Variants in ZNF469 observed in about 807,000 individuals in gnomAD.
ZNF469 encodes zinc finger protein 469.
In ZNF469, 1 loss-of-function variant was observed where a neutral mutation model predicts 1.0. That is an observed-to-expected ratio of 1.00 (90% CI 0.35 to 4.73). The LOEUF is 4.73. ZNF469 is among the 30% of genes most tolerant of loss of function. The probability of loss-of-function intolerance (pLI) is 0.16; values close to 1 mark genes in which losing one functional copy is unlikely to be tolerated. For synonymous variants in ZNF469, 2,703 were observed against 2,363.4 expected, an observed-to-expected ratio of 1.14 and a Z score of -4.17; for missense variants, 6,100 against 5,356.3, an observed-to-expected ratio of 1.14 and a Z score of -4.33.
At chr16:88,333,707 T>TTCTTCCCACAGAAGGCATTTC in the ZNF469 span, among the ~76,000 whole-genome samples, 1 of 152,138 alleles carries the variant, frequency 6.6e-6, no homozygotes, top group African/African-American at 2.4e-5. Context: ...GAAGGCATTT[T>TTCTTCCCACAGAAGGCATTTC]CATTCTTCCC....
Position 88,436,566 on chromosome 16 carries a change from T to A in ZNF469, c.9096T>A (p.Leu3032=). The stretch of plus-strand genomic sequence containing the variant: ...AGAGAGAACGCTGTGACGGTGGGCT[T>A]CCCGGGAACACCCACCTGCTGCCGC... The part of the protein sequence containing the change: ...SLERERCDGG[L]PGNTHLLPLR... Residue 3032 remains leucine (L), a synonymous_variant, in exon 3 of 3, where the codon CTT becomes CTA. Coordinates refer to ENST00000565624, the MANE Select transcript of ZNF469 (RefSeq NM_001367624.2). The A allele has an allele frequency of 6.5e-7, 1 of 1,542,198 alleles. No individual in the cohort carries two copies. The highest frequency in any genetic ancestry group is 1.4e-5 in the African/African-American group (1 of 73,052).
At chr16:88,347,149 G>A in the ZNF469 span, among the ~76,000 whole-genome samples, 3 of 152,102 alleles carry the variant, frequency 2.0e-5, no homozygotes, top group East Asian at 1.9e-4. Flanking sequence ...GCAGGATGCC[G>A]GCCCTACCTC....
the ZNF469 span, among the ~76,000 whole-genome samples, chr16:88,330,041 C>G: frequency 2.3e-3 from 355 of 152,358 alleles, 3 homozygotes; most frequent in African/African-American, 8.1e-3. Context: ...TGATGCCATC[C>G]ACATGAAATG....
chr16:88,113,025 G>A, the ZNF469 span, among the ~76,000 whole-genome samples: 6 of 152,138 alleles, frequency 3.9e-5, no homozygotes, highest in South Asian at 4.1e-4. Flanking sequence ...TGATCCACCC[G>A]CCTTGGCCTC....
At chr16:88,179,659 A>G in the ZNF469 span, among the ~76,000 whole-genome samples, 3 of 152,164 alleles carry the variant, frequency 2.0e-5, no homozygotes, top group Admixed American at 6.5e-5. Flanking sequence ...TTTACCAGGA[A>G]CCTGTGTGAT....
the ZNF469 span, among the ~76,000 whole-genome samples, chr16:88,329,100 G>C: frequency 1.3e-5 from 2 of 152,312 alleles, no homozygotes; most frequent in East Asian, 3.9e-4. Context: ...TGTGCTGACC[G>C]GGAGCTCTGG....
At chr16:88,275,232 T>C in the ZNF469 span, among the ~76,000 whole-genome samples, 2 of 152,138 alleles carry the variant, frequency 1.3e-5, no homozygotes, top group Non-Finnish European at 2.9e-5. Flanking sequence ...CTACATAAAA[T>C]GGGGAGGGGC....
At chr16:88,180,811 C>G in the ZNF469 span, among the ~76,000 whole-genome samples, 1 of 152,066 alleles carries the variant, frequency 6.6e-6, no homozygotes, top group East Asian at 1.9e-4. Flanking sequence ...AAGTGCCATT[C>G]TGTAGGAAAA....
chr16:88,243,301 T>C, the ZNF469 span, among the ~76,000 whole-genome samples: 5 of 152,202 alleles, frequency 3.3e-5, no homozygotes, highest in Admixed American at 3.3e-4. Context: ...TGCTCAGTCA[T>C]GGATGCCTGT....
At chr16:88,134,707 G>A in the ZNF469 span, among the ~76,000 whole-genome samples, 3,490 of 152,316 alleles carry the variant, frequency 0.023, 123 homozygotes, top group African/African-American at 0.079. Context: ...GTGTTGCCAC[G>A]CGTGTAAATC....
the ZNF469 span, among the ~76,000 whole-genome samples, chr16:88,331,491 CTAT>C: frequency 6.7e-6 from 1 of 148,908 alleles, no homozygotes; most frequent in Non-Finnish European, 1.5e-5. Context: ...ATCATCATCA[CTAT>C]TGTTATCACC....
chr16:88,345,576 C>T, the ZNF469 span, among the ~76,000 whole-genome samples: 1 of 152,152 alleles, frequency 6.6e-6, no homozygotes, highest in African/African-American at 2.4e-5. Context: ...CCTCTGCAGG[C>T]TGGCATGGCA....
chr16:88,192,555 CAAAG>C, the ZNF469 span, among the ~76,000 whole-genome samples: 1 of 152,196 alleles, frequency 6.6e-6, no homozygotes, highest in African/African-American at 2.4e-5. Flanking sequence ...GAGCAAGAGA[CAAAG>C]AATACAGGTC....
the ZNF469 span, among the ~76,000 whole-genome samples, chr16:88,167,184 C>T: frequency 6.6e-6 from 1 of 151,226 alleles, no homozygotes; most frequent in African/African-American, 2.4e-5. Flanking sequence ...GCCTCAGCCT[C>T]CCAAGTAGCT....
At chr16:88,114,989 C>T in the ZNF469 span, among the ~76,000 whole-genome samples, 42 of 152,226 alleles carry the variant, frequency 2.8e-4, no homozygotes, top group Non-Finnish European at 3.7e-4. Context: ...CTTCTGGGGC[C>T]GGGGAAGCAG....
At chr16:88,251,369 C>A in the ZNF469 span, among the ~76,000 whole-genome samples, 1 of 150,680 alleles carries the variant, frequency 6.6e-6, no homozygotes, top group African/African-American at 2.5e-5. Flanking sequence ...TCTACATGCA[C>A]GTGTCAGGTA....
chr16:88,280,740 T>G, the ZNF469 span, among the ~76,000 whole-genome samples: 9 of 129,304 alleles, frequency 7.0e-5, no homozygotes, highest in South Asian at 2.6e-4. Context: ...GTTGATTTTG[T>G]TGCACGTGTT....
the ZNF469 span, among the ~76,000 whole-genome samples, chr16:88,228,660 A>G: frequency 6.6e-6 from 1 of 152,222 alleles, no homozygotes; most frequent in Admixed American, 6.5e-5. Context: ...ATAAAAGTAG[A>G]TAAAGGACCA....
chr16:88,319,173 A>G, the ZNF469 span, among the ~76,000 whole-genome samples: 1 of 152,028 alleles, frequency 6.6e-6, no homozygotes, highest in East Asian at 1.9e-4. Context: ...CTCCTCACAG[A>G]CAGATGGAAG....
Sources: allele counts gnomAD v4.1 joint callset (sites outside exome capture counted in the v4.1 genomes callset), GRCh38; gene constraint gnomAD v4.1.1; transcripts MANE v1.5; gene names NCBI Gene and HGNC (gene_info 2026-07-23, HGNC 2026-07-21).